The following RGS8 variants were observed in gnomAD, a reference collection of about 807,000 sequenced individuals.
RGS8 encodes regulator of G protein signaling 8.
Under a neutral mutation model 21.7 loss-of-function variants are expected in RGS8, and 8 were observed. The observed-to-expected ratio is 0.37, with a 90% CI of 0.22 to 0.66. RGS8 has a LOEUF of 0.66. RGS8 is among the 30% of genes least tolerant of loss of function. RGS8 has a pLI of 0.59. For synonymous variants in RGS8, 80 were observed against 83.6 expected (o/e 0.96, Z 0.24); for missense variants, 157 against 217.9 (o/e 0.72, Z 1.76).
intron 5 of RGS8, among the ~76,000 whole-genome samples, chr1:182,653,870 A>G (rs994363540): frequency 8.5e-5 from 13 of 152,222 alleles, no homozygotes; most frequent in African/African-American, 3.1e-4. Flanking sequence ...GGAGCTATGT[A>G]TGAATGCAGG....
chr1:182,687,004 G>C (rs924382616), upstream of RGS8, among the ~76,000 whole-genome samples: 1 of 152,118 alleles, frequency 6.6e-6, no homozygotes, highest in Non-Finnish European at 1.5e-5. Flanking sequence ...GTTAATGTGG[G>C]TGAGAACTGA....
intron 5 of RGS8, among the ~76,000 whole-genome samples, chr1:182,662,914 G>A (rs1232118254): frequency 2.6e-5 from 4 of 151,708 alleles, no homozygotes; most frequent in Non-Finnish European, 5.9e-5. Context: ...ACACCCAACG[G>A]AACAGGGATG....
At chr1:182,646,878 T>C (rs752631971) in exon 7 of RGS8, 5 of 1,614,026 alleles carry the variant, frequency 3.1e-6, no homozygotes, top group Non-Finnish European at 4.2e-6. Flanking sequence ...TCCTGCAGGT[T>C]CTTCCTCGTG....
At chr1:182,647,277 T>G (rs1400990396) in intron 6 of RGS8, among the ~76,000 whole-genome samples, 4 of 152,340 alleles carry the variant, frequency 2.6e-5, no homozygotes, top group Admixed American at 2.6e-4. Flanking sequence ...CCAAGCCAGT[T>G]GCTAACGCAA....
At chr1:182,643,323 GC>G (rs567593931), downstream of RGS8, 4 of 31,474 alleles carry the variant, frequency 1.3e-4, no homozygotes, top group African/African-American at 3.9e-4. Flanking sequence ...CCCTCCCCCA[GC>G]CCCCCCGCCC....
At chr1:182,693,828 A>G in the RGS8 span, among the ~76,000 whole-genome samples, 1 of 152,220 alleles carries the variant, frequency 6.6e-6, no homozygotes, top group Non-Finnish European at 1.5e-5. Context: ...AGCAACATGG[A>G]TGGTGCTGGA....
the RGS8 span, among the ~76,000 whole-genome samples, chr1:182,735,750 T>G: frequency 6.6e-6 from 1 of 152,224 alleles, no homozygotes; most frequent in South Asian, 2.1e-4. Flanking sequence ...CTTTTCTATA[T>G]TCACAAGAGA....
At chr1:182,657,171 G>A (rs1474780637) in intron 5 of RGS8, among the ~76,000 whole-genome samples, 3 of 145,144 alleles carry the variant, frequency 2.1e-5, no homozygotes, top group African/African-American at 7.8e-5. Flanking sequence ...CTAGCCTACT[G>A]CGTGGAATAG....
intron 4 of RGS8, among the ~76,000 whole-genome samples, 187 bp from the exon 6 acceptor site, chr1:182,666,220 G>GA (rs886155873): frequency 1.3e-5 from 2 of 151,812 alleles, no homozygotes; most frequent in Admixed American, 6.6e-5. Flanking sequence ...AGTAACTGAT[G>GA]AAAAAAAACC....
chr1:182,643,329 C>A (rs1397505723), downstream of RGS8: 44 of 114,864 alleles, frequency 3.8e-4, 3 homozygotes, highest in Middle Eastern at 0.012. Context: ...CCCAGCCCCC[C>A]CGCCCCCGCG....
upstream of RGS8, among the ~76,000 whole-genome samples, chr1:182,687,257 A>G (rs1448923655): frequency 1.3e-5 from 2 of 152,048 alleles, no homozygotes; most frequent in Non-Finnish European, 2.9e-5. Context: ...CCCAGGCTGG[A>G]CTTAAACTCC....
intron 3 of RGS8, among the ~76,000 whole-genome samples, chr1:182,667,625 T>G (rs1021351285): frequency 6.6e-6 from 1 of 152,242 alleles, no homozygotes; most frequent in Non-Finnish European, 1.5e-5. Flanking sequence ...ACTAAGCTCA[T>G]GTATTCCTAT....
chr1:182,680,166 C>T (rs550273117), intron 1 of RGS8, among the ~76,000 whole-genome samples: 1 of 152,276 alleles, frequency 6.6e-6, no homozygotes, highest in South Asian at 2.1e-4. Flanking sequence ...TGGTTAGTCA[C>T]AAACATGACT....
intron 3 of RGS8, among the ~76,000 whole-genome samples, chr1:182,669,395 T>G (rs1664039943): frequency 6.6e-6 from 1 of 151,704 alleles, no homozygotes; most frequent in Admixed American, 6.6e-5. Flanking sequence ...GTCTCACCAG[T>G]CAATGGGAGG....
At chr1:182,710,994 G>A in the RGS8 span, among the ~76,000 whole-genome samples, 5 of 152,158 alleles carry the variant, frequency 3.3e-5, no homozygotes, top group Non-Finnish European at 7.3e-5. Flanking sequence ...AATCACAGGT[G>A]TGAGTCCCAA....
intron 5 of RGS8, among the ~76,000 whole-genome samples, chr1:182,650,282 C>T (rs1662944591): frequency 6.6e-6 from 1 of 152,246 alleles, no homozygotes; most frequent in South Asian, 2.1e-4. Flanking sequence ...GGACCGTGCA[C>T]TGGCCAGGGT....
the RGS8 span, among the ~76,000 whole-genome samples, chr1:182,743,077 A>C: frequency 1.1e-4 from 17 of 152,166 alleles, no homozygotes; most frequent in Non-Finnish European, 2.1e-4. Flanking sequence ...TCTACTGGGA[A>C]GATGACCCCT....
chr1:182,738,770 T>C, the RGS8 span, among the ~76,000 whole-genome samples: 1 of 152,200 alleles, frequency 6.6e-6, no homozygotes, highest in East Asian at 1.9e-4. Context: ...AATAAAGACC[T>C]TGAAACCAAG....
chr1:182,751,275 T>C, the RGS8 span, among the ~76,000 whole-genome samples: 3 of 152,242 alleles, frequency 2.0e-5, no homozygotes, highest in Non-Finnish European at 4.4e-5. Flanking sequence ...ACATCTACAC[T>C]TTTAAAATAA....
Sources: gnomAD v4.1 joint callset for allele counts (sites outside exome capture counted in the v4.1 genomes callset) on GRCh38, gnomAD v4.1.1 for gene constraint, MANE v1.5 for transcripts, NCBI Gene and HGNC (gene_info 2026-07-23, HGNC 2026-07-21) for gene names.